Variants in LGR4 observed in about 807,000 individuals in gnomAD.
The protein encoded by LGR4 is leucine rich repeat containing G protein-coupled receptor 4, also known as leucine-rich repeat-containing G protein-coupled receptor 4.
A neutral mutation model predicts 84.8 loss-of-function variants in LGR4; 44 were observed. The observed-to-expected ratio is 0.52, with a 90% CI of 0.41 to 0.67. The LOEUF (loss-of-function observed/expected upper bound fraction) is 0.67. LGR4 is among the 30% of genes least tolerant of loss of function. The pLI is 0.00. For synonymous variants in LGR4, 429 were observed against 434.3 expected (o/e 0.99, Z 0.15); for missense variants, 1,032 against 1,131.4 (o/e 0.91, Z 1.26).
At chr11:27,469,769 G>A (rs561686402) in intron 1 of LGR4, among the ~76,000 whole-genome samples, 6 of 152,272 alleles carry the variant, frequency 3.9e-5, no homozygotes, top group South Asian at 4.1e-4. Context: ...TAGAGACCAC[G>A]GAACTAGTCT....
chr11:27,424,075 T>C (rs527385965), intron 1 of LGR4, among the ~76,000 whole-genome samples: 1 of 152,320 alleles, frequency 6.6e-6, no homozygotes, highest in East Asian at 1.9e-4. Flanking sequence ...TCTGGTGTTT[T>C]ATTGAAGCAG....
In LGR4 at chr11:27,371,628, A is replaced by G. The variant is rs1282547048; in HGVS notation, c.1566T>C (p.Cys522=). The part of the protein sequence containing the change: ...NEEHSQIIIH[C]TPSTGAFKPC... ...GGCCAGGCATACCTGTTGAAGGTGT[A>G]CAATGGATAATTATTTGACTATGTT... Residue 522 remains cysteine, a synonymous_variant, in exon 17 of 18, where the codon TGT becomes TGC. Transcript: ENST00000379214. 2 of 1,612,344 alleles carry G rather than the reference A, an allele frequency of 1.2e-6. No individual in the cohort carries two copies. Among genetic ancestry groups the G allele is most frequent in the South Asian group, 2.2e-5 (2 of 90,790 alleles).
chr11:27,439,198 A>G (rs1864259356), intron 1 of LGR4, among the ~76,000 whole-genome samples: 1 of 152,094 alleles, frequency 6.6e-6, no homozygotes, highest in African/African-American at 2.4e-5. Context: ...CTGAAACTCT[A>G]CCCATTAATC....
intron 2 of LGR4, among the ~76,000 whole-genome samples, chr11:27,396,824 G>A (rs1052629623): frequency 6.6e-5 from 10 of 152,130 alleles, no homozygotes; most frequent in Non-Finnish European, 1.0e-4. Context: ...AAAGGAAAAA[G>A]ATAATTAGGG....
intron 11 of LGR4, among the ~76,000 whole-genome samples, chr11:27,377,589 T>C (rs532706430): frequency 1.8e-4 from 28 of 152,142 alleles, no homozygotes; most frequent in Non-Finnish European, 2.6e-4. Context: ...TTTTTAAATT[T>C]GTATTTATAC....
At chr11:27,446,595 A>C (rs1158671186) in intron 1 of LGR4, among the ~76,000 whole-genome samples, 3 of 152,204 alleles carry the variant, frequency 2.0e-5, no homozygotes, top group African/African-American at 7.2e-5. Context: ...TGGGACTGTA[A>C]ACTAGTTCAA....
intron 1 of LGR4, among the ~76,000 whole-genome samples, chr11:27,446,690 T>C (rs970538304): frequency 1.3e-5 from 2 of 152,204 alleles, no homozygotes; most frequent in African/African-American, 4.8e-5. Flanking sequence ...ACTGGGTATA[T>C]ACCCAAAGGA....
At position 27,472,327 on chromosome 11, in the gene LGR4, C is replaced by T; in HGVS notation, c.-25G>A. On this transcript the variant is annotated 5_prime_UTR_variant, in exon 1 of 18. Transcript: ENST00000379214. ...TTGCTGCGGCCGCCTCCCGCGCCGGCCTCTCCCGCGGCGCTGCTCGCTCCG... is the reference window on the plus strand; with the variant it reads ...TTGCTGCGGCCGCCTCCCGCGCCGGTCTCTCCCGCGGCGCTGCTCGCTCCG... 8.4e-7 allele frequency: 1 copy of T among 1,196,324 alleles called. No individual in the cohort carries two copies. The highest frequency in any genetic ancestry group is 3.5e-5 in the East Asian group (1 of 28,270). The allele number at this position is 1,196,324 out of a possible 1,614,324, so 74.1% of individuals were successfully genotyped here. A position where few individuals can be genotyped will look rare whatever the true frequency, so the allele number is the denominator to read the frequency against.
rs1158073623 is a variant in LGR4 at position 27,368,132 on chromosome 11, A to G, written c.2591T>C (p.Phe864Ser). The G allele has an allele frequency of 6.2e-7, 1 of 1,614,216 alleles. No homozygotes were observed. Among genetic ancestry groups the G allele is most frequent in the Non-Finnish European group, 8.5e-7 (1 of 1,180,038 alleles). The change falls in exon 18 of 18, where the codon TTT (phenylalanine) becomes TCT (serine). Residue 864 changes from phenylalanine to serine, a missense_variant. Transcript: ENST00000379214. ...NLTVCDCCES[F>S]LLTKPVSCKH... is the part of the protein sequence containing the mutation. ...GCATGATACTGGCTTTGTTAAAAGA[A>G]ACGATTCGCAGCAGTCGCAAACAGT... is the stretch of plus-strand genomic sequence containing the variant.
At chr11:27,471,219 A>G (rs1565104493) in intron 1 of LGR4, among the ~76,000 whole-genome samples, 1 of 152,204 alleles carries the variant, frequency 6.6e-6, no homozygotes, top group South Asian at 2.1e-4. Context: ...CCGTTTTGGC[A>G]GGGCGATTTT....
At chr11:27,413,766 T>C (rs1183242159) in intron 1 of LGR4, among the ~76,000 whole-genome samples, 3 of 152,074 alleles carry the variant, frequency 2.0e-5, no homozygotes, top group Non-Finnish European at 4.4e-5. Context: ...GTATAGTACA[T>C]ATATTGGTAT....
At chr11:27,438,059 G>A (rs1353081658) in intron 1 of LGR4, among the ~76,000 whole-genome samples, 1 of 152,054 alleles carries the variant, frequency 6.6e-6, no homozygotes, top group African/African-American at 2.4e-5. Flanking sequence ...AGATGACCTA[G>A]TTCAAGTCAT....
chr11:27,464,844 A>G (rs1188270735), intron 1 of LGR4, among the ~76,000 whole-genome samples: 1 of 152,208 alleles, frequency 6.6e-6, no homozygotes, highest in Non-Finnish European at 1.5e-5. Flanking sequence ...GCCAGGGTAC[A>G]ATGAGATTTT....
intron 4 of LGR4, among the ~76,000 whole-genome samples, chr11:27,388,392 A>G (rs541687363): frequency 1.3e-5 from 2 of 152,320 alleles, no homozygotes; most frequent in East Asian, 3.9e-4. Context: ...GTAGATGCTG[A>G]AAAGCATCAG....
chr11:27,380,611 C>G, intron 9 of LGR4, 29 bp downstream of exon 9: 1 of 1,357,784 alleles, frequency 7.4e-7, no homozygotes. Flanking sequence ...TATAAATATC[C>G]AGGTTTGTTT....
chr11:27,440,104 C>A (rs1864279490), intron 1 of LGR4, among the ~76,000 whole-genome samples: 1 of 152,050 alleles, frequency 6.6e-6, no homozygotes. Context: ...CGTGGTTTCA[C>A]CATGTTGGCC....
chr11:27,461,198 T>G (rs1380625974), intron 1 of LGR4, among the ~76,000 whole-genome samples: 2 of 151,936 alleles, frequency 1.3e-5, no homozygotes, highest in Non-Finnish European at 2.9e-5. Context: ...AACCAAGCAT[T>G]AATCTCAAAT....
At chr11:27,466,780 T>C (rs531008116) in intron 1 of LGR4, among the ~76,000 whole-genome samples, 1 of 152,232 alleles carries the variant, frequency 6.6e-6, no homozygotes, top group East Asian at 1.9e-4. Flanking sequence ...TACTGGTTCA[T>C]GTCTTTTTTA....
rs1185221127 is a variant in LGR4, at chr11:27,368,101, G to T, written c.2622C>A (p.His874Gln). The T allele has an allele frequency of 4.3e-6, 7 of 1,611,464 alleles. No individual in the cohort carries two copies. Among genetic ancestry groups the T allele is most frequent in the Non-Finnish European group, 5.1e-6 (6 of 1,178,504 alleles). The change falls in exon 18 of 18, where the codon CAC becomes CAA. Residue 874 changes from histidine to glutamine, a missense_variant. Transcript: ENST00000379214. ...FLLTKPVSCKHLIKSHSCPAL... is the reference protein window; with the variant it reads ...FLLTKPVSCKQLIKSHSCPAL... ...CAGGACAGCTGTGTGATTTTATCAA[G>T]TGTTTGCATGATACTGGCTTTGTTA...
Sources: gnomAD v4.1 joint callset for allele counts (sites outside exome capture counted in the v4.1 genomes callset) on GRCh38, gnomAD v4.1.1 for gene constraint, MANE v1.5 for transcripts, NCBI Gene and HGNC (gene_info 2026-07-23, HGNC 2026-07-21) for gene names.